BCAT1: variants seen among roughly 807,000 people sequenced by gnomAD.
BCAT1 encodes the protein branched-chain-amino-acid aminotransferase, cytosolic.
Under a neutral mutation model 52.4 loss-of-function variants are expected in BCAT1, and 48 were observed. That is an observed-to-expected ratio of 0.92 (90% CI 0.73 to 1.16). The LOEUF (loss-of-function observed/expected upper bound fraction) is 1.16. Among genes scored for constraint, BCAT1 ranks in the 50% most tolerant of loss-of-function variants. The pLI is 0.00. For synonymous variants in BCAT1, 167 were observed against 161.3 expected, an observed-to-expected ratio of 1.04 and a Z score of -0.27; for missense variants, 451 against 457.1, an observed-to-expected ratio of 0.99 and a Z score of 0.12.
intron 7 of BCAT1, among the ~76,000 whole-genome samples, chr12:24,836,983 G>T (rs1940991111): frequency 7.3e-6 from 1 of 137,852 alleles, no homozygotes; most frequent in South Asian, 2.4e-4. Context: ...GAGAGAGAGG[G>T]AGGGAGGGAG....
At chr12:24,917,973 T>C (rs1477369733) in intron 1 of BCAT1, among the ~76,000 whole-genome samples, 1 of 152,212 alleles carries the variant, frequency 6.6e-6, no homozygotes, top group Non-Finnish European at 1.5e-5. Flanking sequence ...TAAATGGGAA[T>C]GATTCAGCCA....
intron 10 of BCAT1, among the ~76,000 whole-genome samples, chr12:24,825,650 T>A (rs917325438): frequency 3.3e-5 from 5 of 152,168 alleles, no homozygotes; most frequent in Admixed American, 6.5e-5. Flanking sequence ...ATCAAATTTT[T>A]TTTTCTGTTG....
At chr12:24,843,957 A>G (rs1941255719) in intron 6 of BCAT1, among the ~76,000 whole-genome samples, 2 of 152,066 alleles carry the variant, frequency 1.3e-5, no homozygotes, top group Non-Finnish European at 1.5e-5. Context: ...TGATCACCAC[A>G]CTTCACAGAA....
intron 5 of BCAT1, among the ~76,000 whole-genome samples, chr12:24,868,801 A>G (rs1002270755): frequency 6.6e-6 from 1 of 152,238 alleles, no homozygotes; most frequent in Non-Finnish European, 1.5e-5. Flanking sequence ...AAAACTAAGT[A>G]CTTCTGTTCA....
At chr12:24,855,423 C>T (rs576577151) in intron 5 of BCAT1, among the ~76,000 whole-genome samples, 5 of 152,224 alleles carry the variant, frequency 3.3e-5, no homozygotes, top group African/African-American at 1.2e-4. Flanking sequence ...CTCTCTTGCC[C>T]AGGGTGGAGT....
chr12:24,889,418 CA>C (rs1942774314), intron 3 of BCAT1, among the ~76,000 whole-genome samples: 1 of 152,202 alleles, frequency 6.6e-6, no homozygotes, highest in Non-Finnish European at 1.5e-5. Flanking sequence ...AATGGCCGAA[CA>C]ATATTTCCAG....
At chr12:24,843,006 A>G (rs1349211741) in intron 6 of BCAT1, among the ~76,000 whole-genome samples, 2 of 152,212 alleles carry the variant, frequency 1.3e-5, no homozygotes, top group Non-Finnish European at 2.9e-5. Flanking sequence ...GTCCTCAAAT[A>G]AATGTGATGA....
chr12:24,933,801 A>G (rs111638146), intron 1 of BCAT1, among the ~76,000 whole-genome samples: 2 of 151,988 alleles, frequency 1.3e-5, no homozygotes, highest in African/African-American at 4.8e-5. Flanking sequence ...CTGAGAGGAA[A>G]CACCGGCGGG....
chr12:24,947,135 CCT>C (rs1565510641), intron 1 of BCAT1, among the ~76,000 whole-genome samples: 1 of 148,354 alleles, frequency 6.7e-6, no homozygotes, highest in Non-Finnish European at 1.5e-5. Flanking sequence ...GAATGTAAAA[CCT>C]CTCTCCCCAC....
intron 7 of BCAT1, among the ~76,000 whole-genome samples, chr12:24,841,034 A>G (rs116154144): frequency 0.011 from 1,646 of 152,292 alleles, 34 homozygotes; most frequent in African/African-American, 0.037. Flanking sequence ...CACGTTGCCA[A>G]CACTTCACTG....
chr12:24,902,074 T>C (rs1364297993), intron 1 of BCAT1, 189 bp from the exon 2 acceptor site: 4 of 1,508,498 alleles, frequency 2.7e-6, no homozygotes, highest in South Asian at 2.5e-5. Flanking sequence ...AGCGCTGCCC[T>C]GCACTTCCCA....
intron 7 of BCAT1, 46 bp downstream of exon 7, chr12:24,842,036 T>C (rs1376311309): frequency 1.3e-6 from 2 of 1,598,758 alleles, no homozygotes; most frequent in Admixed American, 1.7e-5. Context: ...TCTGGTCCTG[T>C]TGAAAATGAC....
intron 5 of BCAT1, among the ~76,000 whole-genome samples, chr12:24,869,931 A>G (rs73079576): frequency 0.21 from 31,884 of 152,150 alleles, 3,850 homozygotes; most frequent in African/African-American, 0.33. Context: ...CAGGACAAAG[A>G]ATCACTGCCA....
chr12:24,889,215 G>T (rs1002824126), intron 3 of BCAT1, among the ~76,000 whole-genome samples: 1 of 152,186 alleles, frequency 6.6e-6, no homozygotes, highest in African/African-American at 2.4e-5. Flanking sequence ...AACTCCTCGT[G>T]TGAGTCCTTG....
chr12:24,852,681 T>C (rs867394432), intron 5 of BCAT1, among the ~76,000 whole-genome samples: 1 of 152,186 alleles, frequency 6.6e-6, no homozygotes, highest in Non-Finnish European at 1.5e-5. Context: ...AGAAAAAAGG[T>C]CTTGATAAAC....
At chr12:24,947,945 A>T (rs145162789) in intron 1 of BCAT1, among the ~76,000 whole-genome samples, 130 of 152,362 alleles carry the variant, frequency 8.5e-4, no homozygotes, top group African/African-American at 2.9e-3. Flanking sequence ...GTTTAATTGT[A>T]GTGAAAGTTT....
chr12:24,929,888 A>G (rs1272602132), intron 1 of BCAT1, among the ~76,000 whole-genome samples: 1 of 152,096 alleles, frequency 6.6e-6, no homozygotes, highest in Non-Finnish European at 1.5e-5. Context: ...CTTTTCTCCT[A>G]TTTATCTTTC....
At chr12:24,887,081 ATATATATAT>A (rs1399494844) in intron 3 of BCAT1, among the ~76,000 whole-genome samples, 18 of 42,824 alleles carry the variant, frequency 4.2e-4, no homozygotes, top group East Asian at 1.0e-3. Context: ...AAAAAAAAAA[ATATATATAT>A]ATATATATAT....
chr12:24,846,710 G>A (rs923039490), intron 6 of BCAT1, among the ~76,000 whole-genome samples: 4 of 152,004 alleles, frequency 2.6e-5, no homozygotes, highest in Non-Finnish European at 4.4e-5. Flanking sequence ...AAACTTTTTC[G>A]GTGCCAACAT....
Sources: allele counts gnomAD v4.1 joint callset (sites outside exome capture counted in the v4.1 genomes callset), GRCh38; gene constraint gnomAD v4.1.1; transcripts MANE v1.5; gene names NCBI Gene and HGNC (gene_info 2026-07-23, HGNC 2026-07-21).